BCL9: variants seen among roughly 807,000 people sequenced by gnomAD.
BCL9 encodes the protein BCL9 transcription coactivator.
Under a neutral mutation model 88.5 loss-of-function variants are expected in BCL9, and 25 were observed. That is an observed-to-expected ratio of 0.28 (90% confidence interval 0.21 to 0.39). The LOEUF (loss-of-function observed/expected upper bound fraction) is 0.39, where lower values mean the gene tolerates loss of function less well. BCL9 is among the 10% of genes least tolerant of loss of function. The pLI is 1.00. For missense variants in BCL9, 1,817 were observed against 1,877.8 expected (o/e 0.97, Z 0.60); for synonymous variants, 711 against 673.3 (o/e 1.06, Z -0.87).
chr1:147,619,798 G>T lies in BCL9; in HGVS notation c.1643G>T (p.Gly548Val), dbSNP rs781802325. 3 of 1,614,150 alleles carry T rather than the reference G, an allele frequency of 1.9e-6. No homozygotes were observed. Among genetic ancestry groups the T allele is most frequent in the Admixed American group, 1.7e-5 (1 of 60,016 alleles). The part of the protein sequence containing the change: ...INMPHSLPPR[G>V]MAPHPNMPGS... ...ATGCCACATTCTCTGCCCCCGAGGG[G>T]CATGGCTCCCCACCCCAACATGCCA... The change falls in exon 8 of 10, where the codon GGC becomes GTC. Residue 548 changes from glycine (G) to valine (V), a missense_variant. By Grantham distance (109) the Gly-to-Val change is moderately radical (BLOSUM62 -3). Transcript: ENST00000234739. This position sits in a 1 kb window ranked among gnomAD's most constrained non-coding sequence, Gnocchi z 4.1.
In BCL9 at chr1:147,621,518, A is replaced by G. The variant is rs994408731; in HGVS notation, c.2902+461A>G. 2.0e-4 allele frequency among the ~76,000 whole-genome samples: 30 copies of G among 152,162 alleles called. No homozygotes were observed. In the South Asian group the frequency reaches 2.1e-3, roughly 11 times the overall value. The stretch of plus-strand genomic sequence containing the variant: ...CTGTTGACCACAGAAACAGTTCCAA[A>G]ATCTTCTCCTTGATAGACCACTGTT... On this transcript the variant is annotated intron_variant, in intron 8 of 9. Coordinates refer to ENST00000234739, the MANE Select transcript of BCL9 (RefSeq NM_004326.4).
At chr1:147,610,734 C>T (rs1363357245) in intron 3 of BCL9, among the ~76,000 whole-genome samples, 2 of 152,172 alleles carry the variant, frequency 1.3e-5, no homozygotes, top group African/African-American at 2.4e-5. Context: ...TTGGTTTTAC[C>T]TGAATTTGTC....
At chr1:147,580,010 T>C (rs1303335587) in intron 1 of BCL9, among the ~76,000 whole-genome samples, 1 of 152,220 alleles carries the variant, frequency 6.6e-6, no homozygotes, top group Non-Finnish European at 1.5e-5. Context: ...GACTGGAAAC[T>C]CTGATGTTCT....
At position 147,608,330 on chromosome 1, in the gene BCL9, C is replaced by CTTTTTTTT. The variant is rs35324998; in HGVS notation, c.-260+1477_-260+1484dup. ...AATGCTAGACCTGGGTTTTGTTTTG[C>CTTTTTTTT]TTTTTTTTTTTTTTTTTTTTAGCAC... On this transcript the variant is annotated intron_variant, in intron 3 of 9. Coordinates refer to ENST00000234739, the MANE Select transcript of BCL9 (RefSeq NM_004326.4). Among the ~76,000 whole-genome samples, 68 of 101,040 alleles carry CTTTTTTTT rather than the reference C, an allele frequency of 6.7e-4. 4 individuals carry two copies. In the East Asian group the frequency reaches 0.013, roughly 19 times the overall value. The allele number at this position is 101,040 out of a possible 152,430, so 66.3% of individuals were successfully genotyped here.
intron 1 of BCL9, among the ~76,000 whole-genome samples, chr1:147,587,623 C>A (rs1228258556): frequency 6.6e-6 from 1 of 152,136 alleles, no homozygotes; most frequent in African/African-American, 2.4e-5. Context: ...TGCTAAACAA[C>A]CTCATTTAAG....
rs1211216802 is a variant in BCL9, at chr1:147,625,446, GTTTAC to G, written c.*492_*496del. On this transcript the variant is annotated 3_prime_UTR_variant, in exon 10 of 10. Transcript: ENST00000234739. ...AAGAGGAGAACAGGAATGCTGGGCTGTTTACTTTAGGTGGAGAATCCATCTTCAGA... is the reference window on the plus strand; with the variant it reads ...AAGAGGAGAACAGGAATGCTGGGCTGTTTAGGTGGAGAATCCATCTTCAGA... 1 of 229,902 alleles carries G rather than the reference GTTTAC, an allele frequency of 4.3e-6. No individual in the cohort carries two copies. Among genetic ancestry groups the G allele is most frequent in the Admixed American group, 5.6e-5 (1 of 17,768 alleles). 14.2% of individuals were successfully genotyped at this position (229,902 alleles called of 1,614,324 possible).
chr1:147,570,971 T>G lies in BCL9; in HGVS notation c.-478+29297T>G, dbSNP rs587710351. 2.6e-5 allele frequency among the ~76,000 whole-genome samples: 4 copies of G among 152,150 alleles called. No homozygotes were observed. The South Asian group carries it at 8.3e-4, about 32-fold the overall frequency. On this transcript the variant is annotated intron_variant, in intron 1 of 9. Coordinates refer to ENST00000234739, the MANE Select transcript of BCL9 (RefSeq NM_004326.4). ...TTTCTTTTTTTCTTTTCCTTTTATT[T>G]TTTTTGAGATGGAGTTTTGCTCTTG...
intron 1 of BCL9, among the ~76,000 whole-genome samples, chr1:147,566,979 T>C (rs1238003164): frequency 1.3e-5 from 2 of 152,044 alleles, no homozygotes; most frequent in Non-Finnish European, 2.9e-5. Context: ...AGCATTAAAT[T>C]GGGCCCTGTG....
intron 1 of BCL9, among the ~76,000 whole-genome samples, chr1:147,575,597 G>T (rs587639998): frequency 6.6e-6 from 1 of 152,168 alleles, no homozygotes; most frequent in Admixed American, 6.5e-5. Flanking sequence ...AAAGTTTCTA[G>T]GTAGCAAAAC....
intron 1 of BCL9, among the ~76,000 whole-genome samples, chr1:147,598,619 CAGA>C (rs1384969406): frequency 6.6e-6 from 1 of 152,168 alleles, no homozygotes; most frequent in African/African-American, 2.4e-5. Context: ...GAAGCAAGAG[CAGA>C]AGATTTATCT....
At chr1:147,569,078 G>A (rs367887015) in intron 1 of BCL9, among the ~76,000 whole-genome samples, 3 of 151,858 alleles carry the variant, frequency 2.0e-5, no homozygotes, top group Non-Finnish European at 4.4e-5. Flanking sequence ...GGTAGCTGGT[G>A]GAAGCAGGTG....
At chr1:147,549,503 C>A in intron 1 of BCL9, among the ~76,000 whole-genome samples, 1 of 152,112 alleles carries the variant, frequency 6.6e-6, no homozygotes, top group East Asian at 1.9e-4. Flanking sequence ...AATCAGAGAT[C>A]TTTGAGGAAG....
chr1:147,619,124 C>G lies in BCL9; in HGVS notation c.969C>G (p.Ser323Arg), dbSNP rs1263789132. The G allele has an allele frequency of 4.3e-6, 7 of 1,613,802 alleles. No individual in the cohort carries two copies. Among genetic ancestry groups the G allele is most frequent in the Non-Finnish European group, 5.1e-6 (6 of 1,179,876 alleles). Residue 323 changes from serine (S) to arginine (R), a missense_variant, in exon 8 of 10, where the codon AGC becomes AGG. Physicochemically the swap from Ser to Arg is moderately radical, Grantham distance 110. Coordinates refer to ENST00000234739, the MANE Select transcript of BCL9 (RefSeq NM_004326.4). The surrounding 1 kb of genome is among the most constrained non-coding windows in gnomAD (Gnocchi z 4.1). ...AVTPVSQGSNSSSADPKAPPP... is the reference protein window; with the variant it reads ...AVTPVSQGSNRSSADPKAPPP... ...CCCCTGTCTCCCAGGGGAGCAATAG[C>G]TCTTCAGCAGATCCCAAAGCCCCTC...
At chr1:147,580,930 G>C (rs781865274) in intron 1 of BCL9, among the ~76,000 whole-genome samples, 15 of 152,076 alleles carry the variant, frequency 9.9e-5, no homozygotes, top group Non-Finnish European at 1.9e-4. Context: ...AAAAAACTGG[G>C]GCTCAGAAAA....
intron 1 of BCL9, among the ~76,000 whole-genome samples, chr1:147,567,167 A>G (rs1655643199): frequency 6.6e-6 from 1 of 151,996 alleles, no homozygotes; most frequent in South Asian, 2.1e-4. Context: ...CCCCTTCCCA[A>G]CCCTCCTTCT....
chr1:147,577,784 C>T (rs1481913025), intron 1 of BCL9, among the ~76,000 whole-genome samples: 4 of 150,640 alleles, frequency 2.7e-5, no homozygotes, highest in Admixed American at 1.3e-4. Context: ...TGCCATTCTC[C>T]GAGTCTACCA....
intron 1 of BCL9, among the ~76,000 whole-genome samples, chr1:147,587,771 T>C (rs1428718356): frequency 6.8e-6 from 1 of 147,768 alleles, no homozygotes; most frequent in East Asian, 1.9e-4. Context: ...TGTGTGTGTG[T>C]GTGTGTGTGT....
intron 1 of BCL9, among the ~76,000 whole-genome samples, chr1:147,580,637 T>C (rs967304141): frequency 2.0e-5 from 3 of 152,170 alleles, no homozygotes; most frequent in South Asian, 2.1e-4. Flanking sequence ...TTATTGTAAA[T>C]AGAAAAGCGA....
chr1:147,601,270 A>G (rs1475493813), intron 1 of BCL9, among the ~76,000 whole-genome samples: 2 of 152,230 alleles, frequency 1.3e-5, no homozygotes, highest in Non-Finnish European at 2.9e-5. Flanking sequence ...ACTATCTCTT[A>G]GTGGAGAGTC....
Sources: allele counts gnomAD v4.1 joint callset (sites outside exome capture counted in the v4.1 genomes callset), GRCh38; gene constraint gnomAD v4.1.1; non-coding constraint Gnocchi (gnomAD v3.1); transcripts MANE v1.5; gene names NCBI Gene and HGNC (gene_info 2026-07-23, HGNC 2026-07-21).